RPS6KC1: variants seen among roughly 807,000 people sequenced by gnomAD.
RPS6KC1 encodes the protein inactive ribosomal protein S6 kinase delta-1.
In RPS6KC1, 54 loss-of-function variants were observed where a neutral mutation model predicts 103.8. The ratio of observed to expected loss-of-function variants is 0.52; its 90% CI spans 0.42 to 0.65. RPS6KC1 has a LOEUF of 0.65. Ranked by LOEUF, RPS6KC1 falls within the 30% of genes least tolerant of loss-of-function variation. The probability of loss-of-function intolerance (pLI) is 0.00; values close to 1 mark genes in which losing one functional copy is unlikely to be tolerated. For synonymous variants in RPS6KC1, 439 were observed against 438.7 expected, an observed-to-expected ratio of 1.00 and a Z score of -0.01; for missense variants, 1,151 against 1,253.8, an observed-to-expected ratio of 0.92 and a Z score of 1.24.
the RPS6KC1 span, among the ~76,000 whole-genome samples, chr1:213,773,676 T>C: frequency 2.1e-4 from 32 of 152,192 alleles, no homozygotes; most frequent in African/African-American, 4.8e-4. Context: ...AGGTGGGCAG[T>C]GCAGTCAGGA....
chr1:213,273,685 A>T lies in RPS6KC1; in HGVS notation c.*1051A>T, dbSNP rs1414801584. 1 of 152,388 alleles carries T rather than the reference A, an allele frequency of 6.6e-6. No individual in the cohort carries two copies. The highest frequency in any genetic ancestry group is 1.5e-5 in the Non-Finnish European group (1 of 68,038). The allele number at this position is 152,388 out of a possible 1,614,324, so 9.4% of individuals were successfully genotyped here. A position where few individuals can be genotyped will look rare whatever the true frequency, so the allele number is the denominator to read the frequency against. ...ATGGTGATGAGATTTTCAGATTTGA[A>T]CTAATCTATTTGACGTGATTTAGAA... On this transcript the variant is annotated 3_prime_UTR_variant, in exon 15 of 15. Coordinates refer to ENST00000366960, the MANE Select transcript of RPS6KC1 (RefSeq NM_012424.6).
At chr1:213,088,200 T>C (rs2080604034) in intron 3 of RPS6KC1, among the ~76,000 whole-genome samples, 1 of 152,082 alleles carries the variant, frequency 6.6e-6, no homozygotes, top group Non-Finnish European at 1.5e-5. Flanking sequence ...TTTTTTTCCA[T>C]CCAATGGCTG....
chr1:213,533,768 A>T, the RPS6KC1 span, among the ~76,000 whole-genome samples: 3 of 152,234 alleles, frequency 2.0e-5, no homozygotes, highest in African/African-American at 7.2e-5. Flanking sequence ...CTGAAATTAC[A>T]TGTGGGGCTG....
At chr1:213,215,423 G>A (rs1043613059) in intron 8 of RPS6KC1, among the ~76,000 whole-genome samples, 1 of 152,194 alleles carries the variant, frequency 6.6e-6, no homozygotes, top group Non-Finnish European at 1.5e-5. Context: ...GAAAGTGACG[G>A]GGAGAATGGA....
intron 7 of RPS6KC1, among the ~76,000 whole-genome samples, chr1:213,174,082 C>A (rs987243225): frequency 6.6e-6 from 1 of 152,174 alleles, no homozygotes; most frequent in African/African-American, 2.4e-5. Flanking sequence ...CCTTAGCATT[C>A]CTTTTGCCAA....
intron 8 of RPS6KC1, among the ~76,000 whole-genome samples, chr1:213,224,204 A>G (rs1422127252): frequency 2.6e-5 from 4 of 152,142 alleles, no homozygotes; most frequent in African/African-American, 9.7e-5. Context: ...ATGGTTGCCT[A>G]CTTAAATATT....
chr1:213,396,526 G>C, the RPS6KC1 span, among the ~76,000 whole-genome samples: 1 of 152,318 alleles, frequency 6.6e-6, no homozygotes, highest in Non-Finnish European at 1.5e-5. Context: ...CGTGTGGACG[G>C]CCTCCCCTCC....
chr1:213,724,928 C>T, the RPS6KC1 span, among the ~76,000 whole-genome samples: 1,802 of 152,240 alleles, frequency 0.012, 30 homozygotes, highest in African/African-American at 0.039. Context: ...TTAGAGAGGT[C>T]ATGTAACTTG....
chr1:213,300,763 A>G, the RPS6KC1 span, among the ~76,000 whole-genome samples: 1 of 152,230 alleles, frequency 6.6e-6, no homozygotes, highest in Non-Finnish European at 1.5e-5. Context: ...CCCCGCTGTC[A>G]GTGTTCTGGA....
chr1:213,346,339 A>G, the RPS6KC1 span, among the ~76,000 whole-genome samples: 2 of 152,164 alleles, frequency 1.3e-5, no homozygotes, highest in Non-Finnish European at 2.9e-5. Context: ...TCAACATTCT[A>G]AAGGTAACTG....
At chr1:213,499,380 A>G in the RPS6KC1 span, among the ~76,000 whole-genome samples, 1 of 152,142 alleles carries the variant, frequency 6.6e-6, no homozygotes, top group Non-Finnish European at 1.5e-5. Flanking sequence ...GGCACCAGGG[A>G]CCGTTTTCAT....
At chr1:213,091,822 T>C (rs1010233925) in intron 3 of RPS6KC1, among the ~76,000 whole-genome samples, 1 of 152,182 alleles carries the variant, frequency 6.6e-6, no homozygotes, top group Non-Finnish European at 1.5e-5. Context: ...CTGTCAAATA[T>C]CCAAATCTGA....
chr1:213,418,228 A>G, the RPS6KC1 span, among the ~76,000 whole-genome samples: 1 of 152,158 alleles, frequency 6.6e-6, no homozygotes, highest in Non-Finnish European at 1.5e-5. Context: ...TTTTGTGAGG[A>G]TGAACTGATG....
chr1:213,082,947 ATAG>A (rs1325692398), intron 3 of RPS6KC1, among the ~76,000 whole-genome samples: 2 of 152,174 alleles, frequency 1.3e-5, no homozygotes, highest in East Asian at 3.9e-4. Flanking sequence ...ATCCTCTCAA[ATAG>A]TAGGGCTTCG....
the RPS6KC1 span, among the ~76,000 whole-genome samples, chr1:213,627,350 C>G: frequency 7.2e-5 from 11 of 152,162 alleles, no homozygotes; most frequent in Admixed American, 7.2e-4. Context: ...TCTAGATATA[C>G]AATCATGTCA....
chr1:213,756,922 AT>A, the RPS6KC1 span, among the ~76,000 whole-genome samples: 1 of 152,036 alleles, frequency 6.6e-6, no homozygotes, highest in Non-Finnish European at 1.5e-5. Flanking sequence ...AAACATCTTT[AT>A]TATTATTATA....
At chr1:213,373,921 A>C in the RPS6KC1 span, among the ~76,000 whole-genome samples, 1 of 152,144 alleles carries the variant, frequency 6.6e-6, no homozygotes, top group Non-Finnish European at 1.5e-5. Context: ...TCCCAAGGGC[A>C]GTGAGGGAGA....
chr1:213,369,958 C>T, the RPS6KC1 span, among the ~76,000 whole-genome samples: 1 of 152,188 alleles, frequency 6.6e-6, no homozygotes, highest in Non-Finnish European at 1.5e-5. Flanking sequence ...ACCCTCTAGG[C>T]CAGCGTGTAA....
chr1:213,728,948 G>T, the RPS6KC1 span, among the ~76,000 whole-genome samples: 58,607 of 89,532 alleles, frequency 0.65, 17,477 homozygotes, highest in Middle Eastern at 0.75. Flanking sequence ...TTTTTTTTTT[G>T]TTTTTTTTTT....
Sources: gnomAD v4.1 joint callset for allele counts (sites outside exome capture counted in the v4.1 genomes callset) on GRCh38, gnomAD v4.1.1 for gene constraint, MANE v1.5 for transcripts, NCBI Gene and HGNC (gene_info 2026-07-23, HGNC 2026-07-21) for gene names.